CRPPA: variants seen among roughly 807,000 people sequenced by gnomAD.
The protein encoded by CRPPA is CDP-L-ribitol pyrophosphorylase A, also known as D-ribitol-5-phosphate cytidylyltransferase.
CRPPA carries 43 observed loss-of-function variants against 52.0 expected under a neutral mutation model. The ratio of observed to expected loss-of-function variants is 0.83; its 90% CI spans 0.65 to 1.07. CRPPA has a LOEUF of 1.07. Ranked by LOEUF, CRPPA falls within the 50% of genes least tolerant of loss-of-function variation. The pLI is 0.00. For synonymous variants in CRPPA, 250 were observed against 203.5 expected (o/e 1.23, Z -1.94); for missense variants, 629 against 551.7 (o/e 1.14, Z -1.40).
intron 9 of CRPPA, among the ~76,000 whole-genome samples, chr7:16,138,314 G>A (rs1384602905): frequency 6.6e-6 from 1 of 152,102 alleles, no homozygotes; most frequent in African/African-American, 2.4e-5. Context: ...GTCTGTGCAA[G>A]GATAGCACTG....
chr7:16,377,802 G>A (rs1237209214), intron 2 of CRPPA, among the ~76,000 whole-genome samples: 1 of 152,144 alleles, frequency 6.6e-6, no homozygotes, highest in African/African-American at 2.4e-5. Flanking sequence ...CAGACTGCCA[G>A]CATTTCCTAT....
rs571551238 is a variant in CRPPA, at chr7:16,216,170, G to T, written c.1147C>A (p.Pro383Thr). 1.1e-4 allele frequency: 169 copies of T among 1,582,348 alleles called. 1 individual carries two copies. In the South Asian group the frequency reaches 1.8e-3, roughly 17 times the overall value. ...SVHFLDFKLV[P>T]PSQKMENLMQ... ...AGGTTTTCCATTTTCTGACTGGGAG[G>T]TACTAATTTAAAATCAAGAAAATGA... Residue 383 changes from proline (P) to threonine (T), a missense_variant, in exon 9 of 10, where the codon CCT (proline) becomes ACT (threonine). By Grantham distance (38) the Pro-to-Thr change is conservative. Coordinates refer to ENST00000407010, the MANE Select transcript of CRPPA (RefSeq NM_001101426.4).
chr7:16,259,894 C>T (rs183923100), intron 6 of CRPPA, among the ~76,000 whole-genome samples: 2 of 152,002 alleles, frequency 1.3e-5, no homozygotes, highest in African/African-American at 4.8e-5. Flanking sequence ...ATAATTTTGA[C>T]AAAATACTGG....
At chr7:16,157,686 T>C (rs957611834) in intron 9 of CRPPA, among the ~76,000 whole-genome samples, 3 of 152,122 alleles carry the variant, frequency 2.0e-5, no homozygotes, top group Admixed American at 6.6e-5. Context: ...CCAGGGGTTT[T>C]AAACTGCCAA....
At chr7:16,247,953 T>G (rs1025462747) in intron 8 of CRPPA, 1 of 151,500 alleles carries the variant, frequency 6.6e-6, no homozygotes, top group African/African-American at 2.4e-5. Flanking sequence ...TGGAACTCAA[T>G]AGAAGTCAAG....
At chr7:16,338,927 T>C (rs566845949) in intron 3 of CRPPA, among the ~76,000 whole-genome samples, 5 of 151,558 alleles carry the variant, frequency 3.3e-5, no homozygotes, top group Non-Finnish European at 5.9e-5. Flanking sequence ...GCCATTCCTC[T>C]GCCTCAGCCT....
intron 2 of CRPPA, among the ~76,000 whole-genome samples, chr7:16,401,288 T>A (rs1295988186): frequency 6.6e-6 from 1 of 152,226 alleles, no homozygotes; most frequent in African/African-American, 2.4e-5. Flanking sequence ...GAACCTGGAA[T>A]AAAGAGCAAA....
intron 2 of CRPPA, among the ~76,000 whole-genome samples, chr7:16,378,194 T>A (rs1786953898): frequency 6.6e-6 from 1 of 151,940 alleles, no homozygotes; most frequent in Non-Finnish European, 1.5e-5. Context: ...TGTGCCATGC[T>A]GGTGCGCTGT....
intron 5 of CRPPA, among the ~76,000 whole-genome samples, chr7:16,280,118 T>C (rs1286177448): frequency 1.3e-5 from 2 of 152,112 alleles, no homozygotes; most frequent in Non-Finnish European, 1.5e-5. Flanking sequence ...TTCAATTACC[T>C]CCCACTGGGT....
intron 9 of CRPPA, among the ~76,000 whole-genome samples, chr7:16,159,203 G>A (rs1022190048): frequency 1.3e-5 from 2 of 152,052 alleles, no homozygotes; most frequent in Non-Finnish European, 2.9e-5. Context: ...GATCACCTAA[G>A]GTCAGGAGTT....
chr7:16,099,195 G>A (rs761549171), intron 9 of CRPPA, among the ~76,000 whole-genome samples: 1 of 151,266 alleles, frequency 6.6e-6, no homozygotes, highest in African/African-American at 2.4e-5. Context: ...CAAGGCCGCA[G>A]TGAGCAATGA....
chr7:16,215,008 T>C (rs62440394), intron 9 of CRPPA, among the ~76,000 whole-genome samples: 57,737 of 152,058 alleles, frequency 0.38, 11,298 homozygotes, highest in Admixed American at 0.45. Context: ...TGCTTGCATA[T>C]TTTGGAAGCA....
chr7:16,248,261 C>T (rs1348847597), intron 8 of CRPPA, among the ~76,000 whole-genome samples: 2 of 152,098 alleles, frequency 1.3e-5, no homozygotes, highest in Admixed American at 1.3e-4. Flanking sequence ...ATCACTTGAG[C>T]CCAAAAGGCT....
intron 9 of CRPPA, among the ~76,000 whole-genome samples, chr7:16,214,307 A>G (rs998546901): frequency 1.9e-4 from 29 of 152,204 alleles, no homozygotes; most frequent in African/African-American, 7.0e-4. Context: ...CAGTGCATAC[A>G]GACCCTTTTG....
intron 5 of CRPPA, among the ~76,000 whole-genome samples, chr7:16,295,477 G>A (rs199882317): frequency 6.6e-6 from 1 of 151,938 alleles, no homozygotes; most frequent in East Asian, 1.9e-4. Flanking sequence ...CAGTTTTGTA[G>A]CACAAGTTTA....
intron 3 of CRPPA, among the ~76,000 whole-genome samples, chr7:16,342,763 C>CAAAAAAAAAAAAAAAAAAAAAAAA (rs368521163): frequency 1.5e-5 from 1 of 64,964 alleles, no homozygotes; most frequent in African/African-American, 6.0e-5. Flanking sequence ...CCTGTCTCCA[C>CAAAAAAAAAAAAAAAAAAAAAAAA]AAAAAAAAAA....
intron 9 of CRPPA, among the ~76,000 whole-genome samples, chr7:16,176,279 T>G (rs1781294734): frequency 6.6e-6 from 1 of 152,146 alleles, no homozygotes; most frequent in South Asian, 2.1e-4. Context: ...GAGGAAATTA[T>G]TTTTCCTAAA....
chr7:16,197,128 C>G (rs1217766680), intron 9 of CRPPA, among the ~76,000 whole-genome samples: 2 of 151,954 alleles, frequency 1.3e-5, no homozygotes, highest in Non-Finnish European at 2.9e-5. Flanking sequence ...CTGAAGAATG[C>G]TGGAGGGCAA....
chr7:16,371,184 A>G (rs988308815), intron 3 of CRPPA, among the ~76,000 whole-genome samples: 1 of 152,190 alleles, frequency 6.6e-6, no homozygotes, highest in African/African-American at 2.4e-5. Context: ...ATTGAGTATT[A>G]CATCTACTCA....
Sources: gnomAD v4.1 joint callset for allele counts (sites outside exome capture counted in the v4.1 genomes callset) on GRCh38, gnomAD v4.1.1 for gene constraint, MANE v1.5 for transcripts, NCBI Gene and HGNC (gene_info 2026-07-23, HGNC 2026-07-21) for gene names.